The following CATSPERE variants were observed in gnomAD, a reference collection of about 807,000 sequenced individuals.
CATSPERE encodes the protein catsper channel auxiliary subunit epsilon, also known as cation channel sperm-associated auxiliary subunit epsilon.
In CATSPERE, 93 loss-of-function variants were observed where a neutral mutation model predicts 114.1. The observed-to-expected ratio is 0.81, with a 90% confidence interval of 0.69 to 0.97. The LOEUF (loss-of-function observed/expected upper bound fraction) is 0.97. Ranked by LOEUF, CATSPERE falls within the 50% of genes least tolerant of loss-of-function variation. The pLI is 0.00. For missense variants in CATSPERE, 1,058 were observed against 1,131.6 expected (o/e 0.93, Z 0.93); for synonymous variants, 341 against 384.1 (o/e 0.89, Z 1.31).
chr1:244,479,458 C>T (rs1337818736), intron 4 of CATSPERE, among the ~76,000 whole-genome samples: 1 of 152,052 alleles, frequency 6.6e-6, no homozygotes, highest in Admixed American at 6.6e-5. Flanking sequence ...TGCCAAAAGT[C>T]CCTGGGGAGC....
At chr1:244,578,253 A>G (rs1665588571) in intron 11 of CATSPERE, among the ~76,000 whole-genome samples, 1 of 152,170 alleles carries the variant, frequency 6.6e-6, no homozygotes, top group Non-Finnish European at 1.5e-5. Flanking sequence ...TCCTGGTTCA[A>G]TTGATCTTCC....
At chr1:244,593,615 A>C in intron 17 of CATSPERE, 37 bp downstream of exon 17, 2 of 1,543,890 alleles carry the variant, frequency 1.3e-6, no homozygotes, top group South Asian at 2.3e-5. Flanking sequence ...ACTTATATTG[A>C]AAGTTTCAAA....
rs1326525192 is a variant in CATSPERE, at chr1:244,625,426, A to ATTTTTTTTTTTTTTTTT, written c.2648+7741_2648+7742insTTTTTTTTTTTTTTTTT. On this transcript the variant is annotated intron_variant, in intron 20 of 21. Coordinates refer to ENST00000366534, the MANE Select transcript of CATSPERE (RefSeq NM_001130957.2). ...ATTATTTATATATATATATATATAT[A>ATTTTTTTTTTTTTTTTT]TATATATTTTTTTTTTTTTTTGAGA... 3.0e-3 allele frequency among the ~76,000 whole-genome samples: 12 copies of ATTTTTTTTTTTTTTTTT among 3,944 alleles called. 1 individual carries two copies. Among genetic ancestry groups the ATTTTTTTTTTTTTTTTT allele is most frequent in the Admixed American group, 5.2e-3 (1 of 192 alleles). The allele number at this position is 3,944 out of a possible 152,430, so 2.6% of individuals were successfully genotyped here. A position where few individuals can be genotyped will look rare whatever the true frequency, so the allele number is the denominator to read the frequency against.
chr1:244,628,907 C>T (rs1673541016), intron 20 of CATSPERE, among the ~76,000 whole-genome samples: 1 of 152,172 alleles, frequency 6.6e-6, no homozygotes, highest in Admixed American at 6.5e-5. Context: ...TTCGGCATCC[C>T]AAGACCAGTT....
At chr1:244,585,832 A>G (rs940400309) in intron 13 of CATSPERE, among the ~76,000 whole-genome samples, 4 of 152,194 alleles carry the variant, frequency 2.6e-5, no homozygotes, top group Non-Finnish European at 5.9e-5. Context: ...GCTGCATCTC[A>G]CTTTTTAACC....
chr1:244,545,996 C>G (rs538883825), intron 8 of CATSPERE, among the ~76,000 whole-genome samples: 1 of 152,298 alleles, frequency 6.6e-6, no homozygotes, highest in African/African-American at 2.4e-5. Flanking sequence ...TGCAGCAGCA[C>G]CAAAAAGTGG....
chr1:244,554,992 G>T (rs10927257), intron 9 of CATSPERE, among the ~76,000 whole-genome samples: 2 of 152,036 alleles, frequency 1.3e-5, no homozygotes. Context: ...ATCAATAAGC[G>T]TGTTACATCA....
chr1:244,559,382 A>G (rs370460603), intron 9 of CATSPERE, among the ~76,000 whole-genome samples: 6 of 152,348 alleles, frequency 3.9e-5, no homozygotes, highest in Admixed American at 1.3e-4. Flanking sequence ...CTGTTTCAGT[A>G]TACACTAAAT....
At chr1:244,581,974 C>A in intron 12 of CATSPERE, 120 bp downstream of exon 12, 1 of 474,570 alleles carries the variant, frequency 2.1e-6, no homozygotes. Flanking sequence ...ATTTCAGATT[C>A]CTTTCAATGT....
At position 244,486,519 on chromosome 1, in the gene CATSPERE, TA is replaced by T. The variant is rs1572339430; in HGVS notation, c.327-3927del. On this transcript the variant is annotated intron_variant, in intron 5 of 21. Transcript: ENST00000366534. ...CTCGTGGGCCAGGTGTAGACCCTCG[TA>T]GTCACCTGGTGGGTGGTCCAGCATG... Among the ~76,000 whole-genome samples the T allele has an allele frequency of 4.3e-5, 6 of 139,868 alleles. No homozygotes were observed. The East Asian group carries it at 1.4e-3, about 33-fold the overall frequency. The allele number at this position is 139,868 out of a possible 152,430, so 91.8% of individuals were successfully genotyped here. A position where few individuals can be genotyped will look rare whatever the true frequency, so the allele number is the denominator to read the frequency against.
At chr1:244,469,674 A>G (rs185996201) in intron 2 of CATSPERE, among the ~76,000 whole-genome samples, 7 of 152,324 alleles carry the variant, frequency 4.6e-5, no homozygotes, top group Non-Finnish European at 8.8e-5. Flanking sequence ...AATTATCTTA[A>G]CAATTTCTTA....
intron 11 of CATSPERE, among the ~76,000 whole-genome samples, chr1:244,577,292 A>C (rs937845478): frequency 1.3e-5 from 2 of 151,412 alleles, no homozygotes; most frequent in African/African-American, 4.8e-5. Context: ...TATTATATAT[A>C]ATTACTTATT....
At chr1:244,456,836 G>A (rs537749359), upstream of CATSPERE, among the ~76,000 whole-genome samples, 2 of 152,078 alleles carry the variant, frequency 1.3e-5, no homozygotes, top group South Asian at 2.1e-4. Flanking sequence ...TTACTTATCC[G>A]GTTTTTCACT....
chr1:244,580,937 G>T (rs1572860593), intron 11 of CATSPERE, among the ~76,000 whole-genome samples: 1 of 152,200 alleles, frequency 6.6e-6, no homozygotes, highest in East Asian at 1.9e-4. Context: ...GGAGGTGGAG[G>T]TTGTAGTGAG....
chr1:244,490,542 A>C, intron 6 of CATSPERE, 71 bp downstream of exon 6: 1 of 941,196 alleles, frequency 1.1e-6, no homozygotes, highest in Non-Finnish European at 1.7e-6. Context: ...TATCTTCCAT[A>C]TTTACCAGAT....
chr1:244,451,568 G>A (rs1019137659), upstream of CATSPERE: 10 of 1,499,546 alleles, frequency 6.7e-6, no homozygotes, highest in Middle Eastern at 1.9e-4. The surrounding 1 kb of genome is among the most constrained non-coding windows in gnomAD (Gnocchi z 6.6). Context: ...CCGAGTTCCC[G>A]GGCACCAGGA....
At chr1:244,611,724 C>T (rs7540302) in intron 19 of CATSPERE, among the ~76,000 whole-genome samples, 28,009 of 152,112 alleles carry the variant, frequency 0.18, 2,674 homozygotes, top group East Asian at 0.29. Flanking sequence ...GAGTTAGGGA[C>T]AGGGATAAAT....
chr1:244,590,780 T>C lies in CATSPERE; in HGVS notation c.2139-901T>C, dbSNP rs114983020. Among the ~76,000 whole-genome samples the C allele has an allele frequency of 6.0e-3, 912 of 152,370 alleles. 5 individuals carry two copies. The highest frequency in any genetic ancestry group is 0.021 in the African/African-American group (872 of 41,586). On this transcript the variant is annotated intron_variant, in intron 14 of 21. Coordinates refer to ENST00000366534, the MANE Select transcript of CATSPERE (RefSeq NM_001130957.2). ...CATGTATTAGTCCTTCCTTCCCTTTTACGGCTGAGTAATATTCCATTGAAT... is the reference window on the plus strand; with the variant it reads ...CATGTATTAGTCCTTCCTTCCCTTTCACGGCTGAGTAATATTCCATTGAAT...
chr1:244,565,786 G>C (rs1663368639), intron 10 of CATSPERE, among the ~76,000 whole-genome samples: 1 of 152,090 alleles, frequency 6.6e-6, no homozygotes, highest in African/African-American at 2.4e-5. Context: ...CAAAAAACCA[G>C]CTCCTGGATT....
Sources: allele counts gnomAD v4.1 joint callset (sites outside exome capture counted in the v4.1 genomes callset), GRCh38; gene constraint gnomAD v4.1.1; non-coding constraint Gnocchi (gnomAD v3.1); transcripts MANE v1.5; gene names NCBI Gene and HGNC (gene_info 2026-07-23, HGNC 2026-07-21).